The following UNC13C variants were observed in gnomAD, a reference collection of about 807,000 sequenced individuals.
The protein encoded by UNC13C is unc-13 homolog C, also known as protein unc-13 homolog C.
In UNC13C, 174 loss-of-function variants were observed where a neutral mutation model predicts 245.4. The observed-to-expected ratio is 0.71, with a 90% CI of 0.63 to 0.80. The LOEUF (loss-of-function observed/expected upper bound fraction) is 0.80, where lower values mean the gene tolerates loss of function less well. UNC13C is among the 30% of genes least tolerant of loss of function. The pLI is 0.00. For synonymous variants in UNC13C, 992 were observed against 895.1 expected (o/e 1.11, Z -1.93); for missense variants, 2,829 against 2,602.9 (o/e 1.09, Z -1.89).
intron 1 of UNC13C, among the ~76,000 whole-genome samples, chr15:53,996,213 C>T (rs1257754590): frequency 2.6e-5 from 4 of 152,212 alleles, no homozygotes; most frequent in East Asian, 1.9e-4. Flanking sequence ...TACTGAAACA[C>T]GTATCTTTTT....
In UNC13C at chr15:54,589,128, G is replaced by A. The variant is rs574867736; in HGVS notation, c.6106+21181G>A. On this transcript the variant is annotated intron_variant, in intron 30 of 32. Transcript: ENST00000260323. ...AGTGTAGAAGTGTTCCCTGATCACC[G>A]CAATGACACCAACATCTACTGTTTT... Among the ~76,000 whole-genome samples the A allele has an allele frequency of 9.9e-5, 15 of 151,932 alleles. No homozygotes were observed. In the South Asian group the frequency reaches 2.3e-3, roughly 23 times the overall value.
intron 2 of UNC13C, among the ~76,000 whole-genome samples, chr15:54,127,711 GTATA>G (rs918058632): frequency 7.1e-6 from 1 of 140,074 alleles, no homozygotes; most frequent in African/African-American, 2.8e-5. Flanking sequence ...GTGTGTGTGT[GTATA>G]TATATATATA....
chr15:54,566,049 G>A (rs974254646), intron 29 of UNC13C, among the ~76,000 whole-genome samples: 1 of 151,882 alleles, frequency 6.6e-6, no homozygotes, highest in African/African-American at 2.4e-5. Context: ...GAGAGAAAGT[G>A]CCTTCCTTTC....
At chr15:54,103,080 C>T (rs1203306657) in intron 2 of UNC13C, among the ~76,000 whole-genome samples, 1 of 152,144 alleles carries the variant, frequency 6.6e-6, no homozygotes, top group Non-Finnish European at 1.5e-5. Flanking sequence ...GGGTACAAAT[C>T]GGGGAGAGAA....
chr15:54,435,072 A>G (rs564925459), intron 19 of UNC13C, among the ~76,000 whole-genome samples: 180 of 152,298 alleles, frequency 1.2e-3, no homozygotes, highest in Non-Finnish European at 1.0e-3. Context: ...TTAAAAAATC[A>G]GGAAACAACA....
rs1304550608 is a variant in UNC13C at position 54,206,864 on chromosome 15, G to T, written c.3072-28166G>T. On this transcript the variant is annotated intron_variant, in intron 4 of 32. Transcript: ENST00000260323. ...GCTCTTGGCTTATGAAATTGCTCTG[G>T]CAAGAACACAATTCATGAATGTCAG... Among the ~76,000 whole-genome samples, 3 of 152,040 alleles carry T rather than the reference G, an allele frequency of 2.0e-5. No individual in the cohort carries two copies. In the East Asian group the frequency reaches 5.8e-4, roughly 29 times the overall value.
intron 30 of UNC13C, among the ~76,000 whole-genome samples, chr15:54,574,864 A>C (rs1897892528): frequency 6.6e-6 from 1 of 152,276 alleles, no homozygotes; most frequent in South Asian, 2.1e-4. Context: ...GAAGTAGAGT[A>C]TAATGTATTT....
intron 19 of UNC13C, among the ~76,000 whole-genome samples, chr15:54,448,598 C>T (rs1298411955): frequency 6.6e-6 from 1 of 151,982 alleles, no homozygotes; most frequent in African/African-American, 2.4e-5. Context: ...GATTGCAACC[C>T]CTGCCTTTTT....
intron 2 of UNC13C, among the ~76,000 whole-genome samples, chr15:54,108,912 T>G (rs1275511689): frequency 3.9e-5 from 6 of 152,188 alleles, no homozygotes; most frequent in Admixed American, 3.9e-4. Flanking sequence ...TTGTAGTTGT[T>G]CCATCTTAGT....
chr15:54,076,118 T>A (rs35599404), intron 2 of UNC13C, among the ~76,000 whole-genome samples: 65,019 of 142,790 alleles, frequency 0.46, 16,716 homozygotes, highest in Non-Finnish European at 0.59. Context: ...TATATTTTTT[T>A]TTATTATACT....
At chr15:54,008,085 A>G (rs1174441063) in intron 1 of UNC13C, among the ~76,000 whole-genome samples, 4 of 152,262 alleles carry the variant, frequency 2.6e-5, no homozygotes, top group Non-Finnish European at 4.4e-5. Context: ...TCTGGTAATG[A>G]TTTAGCAATA....
intron 2 of UNC13C, among the ~76,000 whole-genome samples, chr15:54,075,947 C>A (rs1272198091): frequency 6.6e-6 from 1 of 151,916 alleles, no homozygotes; most frequent in Non-Finnish European, 1.5e-5. Context: ...CTTCATTTTA[C>A]AGATGAGGTT....
chr15:54,147,806 G>GTGTGTGTA (rs1453477687), intron 4 of UNC13C, among the ~76,000 whole-genome samples: 5 of 151,916 alleles, frequency 3.3e-5, no homozygotes, highest in African/African-American at 1.2e-4. Flanking sequence ...GTGTGTGTGT[G>GTGTGTGTA]TGTGTATGTG....
At chr15:54,085,268 G>C (rs1899171754) in intron 2 of UNC13C, among the ~76,000 whole-genome samples, 1 of 152,114 alleles carries the variant, frequency 6.6e-6, no homozygotes, top group South Asian at 2.1e-4. Flanking sequence ...ACTTTCTCCT[G>C]GTACATTTAC....
chr15:54,620,538 AT>A (rs1316192045), intron 30 of UNC13C, among the ~76,000 whole-genome samples: 9 of 152,068 alleles, frequency 5.9e-5, no homozygotes, highest in Non-Finnish European at 1.0e-4. Flanking sequence ...CTGCGAGAAA[AT>A]TACTCATTTC....
intron 32 of UNC13C, among the ~76,000 whole-genome samples, chr15:54,625,703 T>C (rs1405983525): frequency 6.6e-6 from 1 of 152,102 alleles, no homozygotes; most frequent in African/African-American, 2.4e-5. Context: ...CACCCTCTTA[T>C]CACGTATTAA....
chr15:54,080,232 T>C (rs1248477785), intron 2 of UNC13C, among the ~76,000 whole-genome samples: 1 of 152,046 alleles, frequency 6.6e-6, no homozygotes, highest in Non-Finnish European at 1.5e-5. Context: ...TAGTATTTTG[T>C]TGAAGATTTT....
intron 18 of UNC13C, among the ~76,000 whole-genome samples, chr15:54,409,558 G>A (rs2040376028): frequency 6.6e-6 from 1 of 152,120 alleles, no homozygotes; most frequent in Non-Finnish European, 1.5e-5. Flanking sequence ...AGGTCCCAAT[G>A]TCTTTTGTTC....
intron 17 of UNC13C, among the ~76,000 whole-genome samples, chr15:54,338,707 T>A (rs957292049): frequency 6.6e-6 from 1 of 152,150 alleles, no homozygotes; most frequent in Non-Finnish European, 1.5e-5. Flanking sequence ...AAGGCACATA[T>A]TATTTAAGGT....
Sources: gnomAD v4.1 joint callset for allele counts (sites outside exome capture counted in the v4.1 genomes callset) on GRCh38, gnomAD v4.1.1 for gene constraint, MANE v1.5 for transcripts, NCBI Gene and HGNC (gene_info 2026-07-23, HGNC 2026-07-21) for gene names.